The following COL4A1 variants were observed in gnomAD, a reference collection of about 807,000 sequenced individuals.
COL4A1 encodes the protein collagen type IV alpha 1 chain.
Under a neutral mutation model 216.6 loss-of-function variants are expected in COL4A1, and 40 were observed. That is an observed-to-expected ratio of 0.18 (90% CI 0.14 to 0.24). The LOEUF (loss-of-function observed/expected upper bound fraction) is 0.24, where lower values mean the gene tolerates loss of function less well. COL4A1 is among the 10% of genes least tolerant of loss of function. The pLI is 1.00. For synonymous variants in COL4A1, 839 were observed against 810.7 expected, an observed-to-expected ratio of 1.03 and a Z score of -0.59; for missense variants, 1,628 against 2,196.8, an observed-to-expected ratio of 0.74 and a Z score of 5.18.
At chr13:110,182,755 A>C (rs1878226008) in intron 28 of COL4A1, among the ~76,000 whole-genome samples, 1 of 152,252 alleles carries the variant, frequency 6.6e-6, no homozygotes, top group Non-Finnish European at 1.5e-5. Context: ...CATTGGTGGC[A>C]GTGCCCATGC....
In COL4A1 at chr13:110,270,350, T is replaced by G. The variant is rs185794338; in HGVS notation, c.85-27616A>C. 5.2e-4 allele frequency among the ~76,000 whole-genome samples: 79 copies of G among 151,698 alleles called. 1 individual carries two copies. The highest frequency in any genetic ancestry group is 1.8e-3 in the African/African-American group (76 of 41,366). On this transcript the variant is annotated intron_variant, in intron 1 of 51. Transcript: ENST00000375820. ...AGGAAGGAGAATCTAAATCTACATC[T>G]AATTAAGAGGAGAATTATTCAAATG...
intron 6 of COL4A1, 41 bp downstream of exon 6, chr13:110,212,376 G>C (rs769353797): frequency 6.2e-7 from 1 of 1,609,976 alleles, no homozygotes; most frequent in Non-Finnish European, 8.5e-7. Context: ...CAAAAATTAC[G>C]TAAACACACA....
chr13:110,202,589 G>A (rs928397838), intron 18 of COL4A1, among the ~76,000 whole-genome samples: 4 of 152,050 alleles, frequency 2.6e-5, no homozygotes, highest in South Asian at 2.1e-4. Flanking sequence ...CTGTGTGAAC[G>A]CATTACCTGT....
At chr13:110,271,578 G>A (rs757065267) in intron 1 of COL4A1, among the ~76,000 whole-genome samples, 6 of 152,118 alleles carry the variant, frequency 3.9e-5, no homozygotes, top group Non-Finnish European at 7.4e-5. Flanking sequence ...GCCAGGACTC[G>A]CCAAGGTCAC....
intron 2 of COL4A1, among the ~76,000 whole-genome samples, chr13:110,224,691 C>T (rs546491220): frequency 1.3e-5 from 2 of 152,108 alleles, no homozygotes; most frequent in African/African-American, 2.4e-5. Flanking sequence ...CCTGAGGGTT[C>T]GAAAGACATG....
intron 1 of COL4A1, 107 bp downstream of exon 1, chr13:110,306,837 G>T: frequency 1.9e-6 from 2 of 1,070,546 alleles, no homozygotes; most frequent in Non-Finnish European, 2.5e-6. Context: ...CGTGCCACGC[G>T]CGACCCCCGA....
chr13:110,223,817 G>A (rs1358101280), intron 2 of COL4A1, among the ~76,000 whole-genome samples: 1 of 152,186 alleles, frequency 6.6e-6, no homozygotes, highest in Non-Finnish European at 1.5e-5. Flanking sequence ...GACACCCCAA[G>A]GATGGCAGGA....
intron 8 of COL4A1, among the ~76,000 whole-genome samples, chr13:110,210,866 A>G (rs1449530748): frequency 1.3e-5 from 2 of 152,078 alleles, no homozygotes. Context: ...CAGACCCAAG[A>G]CTACAACTCC....
chr13:110,276,172 G>A lies in COL4A1; in HGVS notation c.84+30772C>T, dbSNP rs375768624. Among the ~76,000 whole-genome samples, 34 of 152,208 alleles carry A rather than the reference G, an allele frequency of 2.2e-4. No individual in the cohort carries two copies. In the South Asian group the frequency reaches 6.2e-3, roughly 28 times the overall value. ...CATGCGTGTGCCCGAGAAGAGGTAC[G>A]TGGGAACTCTTGGTACCTTCTGTAC... On this transcript the variant is annotated intron_variant, in intron 1 of 51. Coordinates refer to ENST00000375820, the MANE Select transcript of COL4A1 (RefSeq NM_001845.6).
rs1262237624 is a variant in COL4A1, at chr13:110,257,377, C to T, written c.85-14643G>A. Among the ~76,000 whole-genome samples, 9 of 152,174 alleles carry T rather than the reference C, an allele frequency of 5.9e-5. No individual in the cohort carries two copies. The East Asian group carries it at 1.7e-3, about 29-fold the overall frequency. ...TGAGCAAATGTGAGCACAACAGCAA[C>T]TAAAACTCTCCATAAGAATATGGAA... On this transcript the variant is annotated intron_variant, in intron 1 of 51. Coordinates refer to ENST00000375820, the MANE Select transcript of COL4A1 (RefSeq NM_001845.6).
chr13:110,163,670 C>T, intron 46 of COL4A1, 109 bp from the exon 47 acceptor site: 1 of 1,067,114 alleles, frequency 9.4e-7, no homozygotes, highest in Non-Finnish European at 1.4e-6. Context: ...CATAAAGTCT[C>T]ACTGCAGATG....
chr13:110,254,533 A>C (rs960862856), intron 1 of COL4A1, among the ~76,000 whole-genome samples: 1 of 152,186 alleles, frequency 6.6e-6, no homozygotes, highest in African/African-American at 2.4e-5. Context: ...TTTAAAAGGA[A>C]ACATGAAAAG....
intron 1 of COL4A1, among the ~76,000 whole-genome samples, chr13:110,288,616 C>T (rs1883944600): frequency 6.6e-6 from 1 of 152,176 alleles, no homozygotes; most frequent in Non-Finnish European, 1.5e-5. Flanking sequence ...AAATAATGAA[C>T]ACTGATTAAC....
At chr13:110,219,878 GTA>G (rs1175003464) in intron 2 of COL4A1, among the ~76,000 whole-genome samples, 46 of 87,038 alleles carry the variant, frequency 5.3e-4, no homozygotes, top group African/African-American at 9.4e-4. Context: ...GTGTATATAT[GTA>G]TATATATGTG....
chr13:110,233,406 A>G (rs1466118514), intron 2 of COL4A1, among the ~76,000 whole-genome samples: 1 of 152,138 alleles, frequency 6.6e-6, no homozygotes, highest in Non-Finnish European at 1.5e-5. Context: ...GGGAGGGAAG[A>G]CACCCTCGGG....
At chr13:110,170,088 AG>A (rs1877549943) in intron 42 of COL4A1, among the ~76,000 whole-genome samples, 1 of 103,186 alleles carries the variant, frequency 9.7e-6, no homozygotes, top group Admixed American at 1.1e-4. Flanking sequence ...GAGGGGAAGG[AG>A]GGAGGGAGAG....
At chr13:110,196,670 T>C (rs1052852867) in intron 21 of COL4A1, among the ~76,000 whole-genome samples, 1 of 152,248 alleles carries the variant, frequency 6.6e-6, no homozygotes, top group African/African-American at 2.4e-5. Flanking sequence ...CAGTGATTAT[T>C]TCTGAGGAGT....
intron 1 of COL4A1, among the ~76,000 whole-genome samples, chr13:110,284,380 G>A (rs1285699194): frequency 2.0e-5 from 3 of 152,284 alleles, no homozygotes; most frequent in Non-Finnish European, 4.4e-5. Context: ...GATTTTGGGG[G>A]CTGGAGGCAT....
At chr13:110,209,521 C>G in intron 10 of COL4A1, 94 bp from the exon 11 acceptor site, 11 of 919,960 alleles carry the variant, frequency 1.2e-5, no homozygotes, top group Non-Finnish European at 1.7e-5. Flanking sequence ...ATTCTCTGGT[C>G]AACATGATAA....
Sources: allele counts gnomAD v4.1 joint callset (sites outside exome capture counted in the v4.1 genomes callset), GRCh38; gene constraint gnomAD v4.1.1; transcripts MANE v1.5; gene names NCBI Gene and HGNC (gene_info 2026-07-23, HGNC 2026-07-21).